Variants in TAOK3 observed in about 807,000 individuals in gnomAD.
The protein encoded by TAOK3 is serine/threonine-protein kinase TAO3.
Under a neutral mutation model 120.4 loss-of-function variants are expected in TAOK3, and 40 were observed. The ratio of observed to expected loss-of-function variants is 0.33; its 90% CI spans 0.26 to 0.43. TAOK3 has a LOEUF of 0.43. TAOK3 is among the 20% of genes least tolerant of loss of function. The pLI is 1.00. For missense variants in TAOK3, 821 were observed against 1,112.1 expected, an observed-to-expected ratio of 0.74 and a Z score of 3.72; for synonymous variants, 355 against 387.5, an observed-to-expected ratio of 0.92 and a Z score of 0.99.
At chr12:118,237,681 A>G (rs1191554469) in intron 7 of TAOK3, among the ~76,000 whole-genome samples, 2 of 152,214 alleles carry the variant, frequency 1.3e-5, no homozygotes. Flanking sequence ...AATAGCATAT[A>G]TTTATATAAG....
At chr12:118,153,728 T>A (rs754062171) in intron 19 of TAOK3, among the ~76,000 whole-genome samples, 1 of 152,238 alleles carries the variant, frequency 6.6e-6, no homozygotes, top group Non-Finnish European at 1.5e-5. Flanking sequence ...TGTTTCCTTA[T>A]TGACCACTTT....
intron 1 of TAOK3, among the ~76,000 whole-genome samples, chr12:118,288,990 A>G (rs1274501426): frequency 6.6e-6 from 1 of 150,834 alleles, no homozygotes; most frequent in African/African-American, 2.4e-5. Flanking sequence ...CAATTTTCAT[A>G]TGGCTACTAA....
rs763473530 is a variant in TAOK3, at chr12:118,234,212, A to ATTTTT, written c.552-452_552-448dup. On this transcript the variant is annotated intron_variant, in intron 8 of 20. Transcript: ENST00000392533. ...TTAAAGTAATTAAATAAAGCAGGAA[A>ATTTTT]TTTTTTTTTTTTTTTTTTTTTTTTT... 6.2e-3 allele frequency among the ~76,000 whole-genome samples: 364 copies of ATTTTT among 58,322 alleles called. 72 individuals carry two copies. The highest frequency in any genetic ancestry group is 8.8e-3 in the Non-Finnish European group (284 of 32,390). The allele number at this position is 58,322 out of a possible 152,430, so 38.3% of individuals were successfully genotyped here.
chr12:118,200,117 T>A (rs111299671), intron 12 of TAOK3: 2 of 71,520 alleles, frequency 2.8e-5, no homozygotes, highest in Non-Finnish European at 5.8e-5. Context: ...AGATAATACA[T>A]TATTTTTAAC....
chr12:118,336,889 T>A (rs529885889), intron 1 of TAOK3, among the ~76,000 whole-genome samples: 33 of 152,262 alleles, frequency 2.2e-4, no homozygotes, highest in Non-Finnish European at 4.1e-4. Flanking sequence ...CTGGCCAACA[T>A]GGCGAAACCC....
chr12:118,261,870 T>C (rs1051631156), intron 2 of TAOK3, among the ~76,000 whole-genome samples: 3 of 151,378 alleles, frequency 2.0e-5, no homozygotes, highest in Non-Finnish European at 2.9e-5. Context: ...TCTTTTTTTT[T>C]TGAGACACAG....
chr12:118,182,186 A>C (rs945814502), intron 14 of TAOK3, among the ~76,000 whole-genome samples: 6 of 152,290 alleles, frequency 3.9e-5, no homozygotes, highest in Non-Finnish European at 8.8e-5. Flanking sequence ...GTCTCAAAAA[A>C]AAACAACAAC....
chr12:118,162,122 G>A, intron 17 of TAOK3, 95 bp from the exon 18 acceptor site: 2 of 1,451,738 alleles, frequency 1.4e-6, no homozygotes, highest in Non-Finnish European at 1.9e-6. Flanking sequence ...GAATGGCACT[G>A]CTAACCATCT....
At chr12:118,237,868 A>G (rs1315236982) in intron 7 of TAOK3, among the ~76,000 whole-genome samples, 1 of 152,182 alleles carries the variant, frequency 6.6e-6, no homozygotes, top group Non-Finnish European at 1.5e-5. Context: ...CTGAACAAAG[A>G]TGATATAATT....
At chr12:118,188,923 A>AGTCT (rs2037240298) in intron 14 of TAOK3, among the ~76,000 whole-genome samples, 1 of 150,884 alleles carries the variant, frequency 6.6e-6, no homozygotes, top group Admixed American at 6.6e-5. Context: ...AAACGATGTG[A>AGTCT]GTGTGTGTGT....
chr12:118,233,700 G>A lies in TAOK3; in HGVS notation c.617C>T (p.Ser206Leu). ...GQYDGKVDIWSLGITCIELAE... is the reference protein window; with the variant it reads ...GQYDGKVDIWLLGITCIELAE... ...CAATTCAATACAAGTGATGCCAAGT[G>A]ACCAAATATCAACTTTCCCATCATA... The change falls in exon 9 of 21, where the codon TCA becomes TTA. Residue 206 changes from serine (S) to leucine (L), a missense_variant. Ser to Leu is a moderately radical substitution (Grantham distance 145, BLOSUM62 -2). Around this residue, in one of 2 missense-constraint regions of TAOK3, gnomAD observed 467 missense variants for 540.0 expected, o/e 0.86. Transcript: ENST00000392533. 1 of 1,609,842 alleles carries A rather than the reference G, an allele frequency of 6.2e-7. No individual in the cohort carries two copies. The highest frequency in any genetic ancestry group is 2.3e-5 in the East Asian group (1 of 44,436).
At chr12:118,290,871 G>A (rs1215449945) in intron 1 of TAOK3, among the ~76,000 whole-genome samples, 1 of 151,612 alleles carries the variant, frequency 6.6e-6, no homozygotes, top group East Asian at 1.9e-4. Context: ...ACCATCATAT[G>A]TCAAAAGTAT....
At position 118,150,951 on chromosome 12, in the gene TAOK3, GTTTTCTTTT is replaced by G. The variant is rs769600806; in HGVS notation, c.*37_*45del. On this transcript the variant is annotated 3_prime_UTR_variant, in exon 21 of 21. Coordinates refer to ENST00000392533, the MANE Select transcript of TAOK3 (RefSeq NM_016281.4). ...TTTTGCAGGGTCTGAATTTTTTTCT[GTTTTCTTTT>G]TTTTTTTTTTTTTTGTAAATGGCAA... 7.3e-7 allele frequency: 1 copy of G among 1,364,766 alleles called. No individual in the cohort carries two copies. Among genetic ancestry groups the G allele is most frequent in the Non-Finnish European group, 9.9e-7 (1 of 1,005,724 alleles). The allele number at this position is 1,364,766 out of a possible 1,614,324, so 84.5% of individuals were successfully genotyped here. A position where few individuals can be genotyped will look rare whatever the true frequency, so the allele number is the denominator to read the frequency against.
chr12:118,221,823 A>G (rs1443699750), intron 9 of TAOK3, among the ~76,000 whole-genome samples: 1 of 151,014 alleles, frequency 6.6e-6, no homozygotes, highest in Non-Finnish European at 1.5e-5. Context: ...TTTAGTAGAG[A>G]TGGGGTTTCA....
intron 1 of TAOK3, among the ~76,000 whole-genome samples, chr12:118,352,480 G>A (rs916392918): frequency 1.1e-4 from 16 of 151,230 alleles, no homozygotes; most frequent in East Asian, 4.0e-4. Flanking sequence ...ACTCTAGCCT[G>A]GGCGACACAG....
chr12:118,157,161 C>T (rs2034893007), intron 19 of TAOK3, among the ~76,000 whole-genome samples: 1 of 152,124 alleles, frequency 6.6e-6, no homozygotes, highest in South Asian at 2.1e-4. Flanking sequence ...TAACTTCCCC[C>T]TTCATCCCGA....
intron 1 of TAOK3, among the ~76,000 whole-genome samples, chr12:118,301,874 A>G (rs2042895060): frequency 6.6e-6 from 1 of 151,822 alleles, no homozygotes. Flanking sequence ...TTCAAACCTC[A>G]AAGCACAATA....
At chr12:118,184,250 A>G (rs993578662) in intron 14 of TAOK3, among the ~76,000 whole-genome samples, 3 of 152,206 alleles carry the variant, frequency 2.0e-5, no homozygotes, top group Non-Finnish European at 4.4e-5. Context: ...GTATATATAT[A>G]GAGATACTAA....
At chr12:118,296,068 T>A (rs958385336) in intron 1 of TAOK3, among the ~76,000 whole-genome samples, 1 of 152,170 alleles carries the variant, frequency 6.6e-6, no homozygotes. Context: ...TGTATCTGAG[T>A]GAGTTAGATC....
Sources: gnomAD v4.1 joint callset for allele counts (sites outside exome capture counted in the v4.1 genomes callset) on GRCh38, gnomAD v4.1.1 for gene constraint, gnomAD v4.1.1 regional missense constraint, MANE v1.5 for transcripts, NCBI Gene and HGNC (gene_info 2026-07-23, HGNC 2026-07-21) for gene names.